The following WDR88 variants were observed in gnomAD, a reference collection of about 807,000 sequenced individuals.
The protein encoded by WDR88 is WD repeat domain 88.
WDR88 carries 40 observed loss-of-function variants against 46.8 expected under a neutral mutation model. That is an observed-to-expected ratio of 0.86 (90% CI 0.66 to 1.11). WDR88 has a LOEUF of 1.11. Among genes scored for constraint, WDR88 ranks in the 50% most tolerant of loss-of-function variants. The probability of loss-of-function intolerance (pLI) is 0.00; values close to 1 mark genes in which losing one functional copy is unlikely to be tolerated. For missense variants in WDR88, 562 were observed against 602.4 expected (o/e 0.93, Z 0.70); for synonymous variants, 235 against 240.7 (o/e 0.98, Z 0.22).
At chr19:33,135,862 T>C (rs1253671891) in intron 1 of WDR88, among the ~76,000 whole-genome samples, 1 of 151,886 alleles carries the variant, frequency 6.6e-6, no homozygotes, top group East Asian at 1.9e-4. Context: ...GTATCACACT[T>C]TGGTTTTCTT....
At chr19:33,159,994 C>T (rs896806355) in intron 7 of WDR88, among the ~76,000 whole-genome samples, 4 of 151,948 alleles carry the variant, frequency 2.6e-5, no homozygotes, top group Non-Finnish European at 5.9e-5. Context: ...CCTAATCCCT[C>T]GCATCCGCAG....
In WDR88 at chr19:33,156,628, C is replaced by G. The variant is rs554996404; in HGVS notation, c.997+86C>G. On this transcript the variant is annotated intron_variant, in intron 7 of 10. Transcript: ENST00000355868. ...TGTTCCGTTCAAATGGACAGAGAGG[C>G]AATTTCCAATGATGCTGACAGGGAG... The G allele has an allele frequency of 2.1e-6, 3 of 1,417,016 alleles. No individual in the cohort carries two copies. In the Admixed American group the frequency reaches 7.0e-5, roughly 33 times the overall value. The allele number at this position is 1,417,016 out of a possible 1,614,324, so 87.8% of individuals were successfully genotyped here.
chr19:33,155,148 A>AT (rs902703141), intron 6 of WDR88, among the ~76,000 whole-genome samples: 8 of 151,958 alleles, frequency 5.3e-5, no homozygotes, highest in Admixed American at 6.6e-5. Flanking sequence ...GAATAACTTC[A>AT]TTTTTTTTCT....
chr19:33,139,813 TACACAC>T (rs111934254), intron 2 of WDR88, among the ~76,000 whole-genome samples: 6 of 150,428 alleles, frequency 4.0e-5, no homozygotes, highest in Admixed American at 3.3e-4. Flanking sequence ...AAAATATGCA[TACACAC>T]ACACACACAC....
chr19:33,171,771 TTTTG>T (rs58358368), intron 9 of WDR88, among the ~76,000 whole-genome samples: 19,074 of 151,604 alleles, frequency 0.13, 1,351 homozygotes, highest in South Asian at 0.33. Context: ...TGTCATATAG[TTTTG>T]TTTGTTTGTT....
At chr19:33,174,775 C>T in intron 10 of WDR88, 4 of 985,460 alleles carry the variant, frequency 4.1e-6, no homozygotes, top group Non-Finnish European at 3.6e-6. Flanking sequence ...TCCCAACTGT[C>T]AAGGGGCTTG....
intron 8 of WDR88, among the ~76,000 whole-genome samples, chr19:33,163,533 C>T (rs1486801163): frequency 1.3e-5 from 2 of 151,592 alleles, no homozygotes; most frequent in East Asian, 1.9e-4. Context: ...AAAACAACAA[C>T]AACAAAAAAA....
At chr19:33,162,241 C>T (rs1973880150) in intron 8 of WDR88, among the ~76,000 whole-genome samples, 1 of 152,072 alleles carries the variant, frequency 6.6e-6, no homozygotes, top group Non-Finnish European at 1.5e-5. Flanking sequence ...CGCTCTGTCG[C>T]CCAGGCTAGA....
intron 9 of WDR88, among the ~76,000 whole-genome samples, chr19:33,167,565 C>T (rs879872138): frequency 3.3e-5 from 5 of 151,788 alleles, no homozygotes; most frequent in East Asian, 3.9e-4. Flanking sequence ...AAGTGCTAGC[C>T]GGAGCTATCA....
rs1424201242 is a variant in WDR88, at chr19:33,137,330, T to G, written c.277-347T>G. Among the ~76,000 whole-genome samples the G allele has an allele frequency of 3.3e-5, 5 of 151,574 alleles. No homozygotes were observed. The East Asian group carries it at 9.7e-4, about 29-fold the overall frequency. On this transcript the variant is annotated intron_variant, in intron 1 of 10. Coordinates refer to ENST00000355868, the MANE Select transcript of WDR88 (RefSeq NM_173479.4). ...GTGCAGTGGTGCAATCTTGGCTCAC[T>G]GCAACCTCCGCCTCCTGTATTCAAG...
chr19:33,156,522 C>T lies in WDR88; in HGVS notation c.977C>T (p.Ser326Phe). 6.2e-7 allele frequency: 1 copy of T among 1,613,476 alleles called. No individual in the cohort carries two copies. The highest frequency in any genetic ancestry group is 8.5e-7 in the Non-Finnish European group (1 of 1,179,766). The change falls in exon 7 of 11, where the codon TCC becomes TTC. Residue 326 changes from serine to phenylalanine, a missense_variant. By Grantham distance (155) the Ser-to-Phe change is radical. Transcript: ENST00000355868. ...LMQGHEGSVS[S>F]CHFARDSSFL... ...CAGGGCCATGAAGGTTCTGTCAGTTCCTGTCACTTTGCCAGAGACAGTGAG... is the reference window on the plus strand; with the variant it reads ...CAGGGCCATGAAGGTTCTGTCAGTTTCTGTCACTTTGCCAGAGACAGTGAG...
intron 6 of WDR88, 125 bp downstream of exon 6, chr19:33,151,435 G>T: frequency 8.1e-7 from 1 of 1,237,222 alleles, no homozygotes. Context: ...GGTGCTCTGA[G>T]GAGGCTGGGG....
chr19:33,144,774 A>G (rs1973476458), intron 2 of WDR88, 70 bp from the exon 3 acceptor site: 1 of 1,421,574 alleles, frequency 7.0e-7, no homozygotes, highest in African/African-American at 1.4e-5. Flanking sequence ...GCTAATGTTG[A>G]CCTCGATTTA....
chr19:33,132,705 C>T (rs1973154649), intron 1 of WDR88, among the ~76,000 whole-genome samples: 1 of 152,234 alleles, frequency 6.6e-6, no homozygotes, highest in Non-Finnish European at 1.5e-5. Context: ...GGAGGAGGCT[C>T]TGCCCCACCA....
At chr19:33,157,497 C>CT (rs1568367235) in intron 7 of WDR88, among the ~76,000 whole-genome samples, 4 of 134,000 alleles carry the variant, frequency 3.0e-5, no homozygotes, top group African/African-American at 1.2e-4. Context: ...GACTCTGTCT[C>CT]AATATATATA....
Position 33,166,119 on chromosome 19 carries a change from C to T in WDR88, c.1149+1854C>T, listed in dbSNP as rs184959033. 6.3e-4 allele frequency among the ~76,000 whole-genome samples: 95 copies of T among 150,672 alleles called. 1 individual carries two copies. Among genetic ancestry groups the T allele is most frequent in the African/African-American group, 2.1e-3 (87 of 41,046 alleles). ...TACAGAAAAACTTTAAAAAATTAAC[C>T]GAGTGTGGTGGTGTGTGGCTGTAGT... On this transcript the variant is annotated intron_variant, in intron 9 of 10. Transcript: ENST00000355868.
intron 5 of WDR88, 133 bp downstream of exon 5, chr19:33,149,043 A>G (rs1194098935): frequency 2.1e-6 from 3 of 1,398,036 alleles, no homozygotes; most frequent in Non-Finnish European, 2.9e-6. Context: ...AAGCTGGGAC[A>G]CTAGGCTAGG....
At chr19:33,134,606 C>T (rs1806027605) in intron 1 of WDR88, among the ~76,000 whole-genome samples, 1 of 151,956 alleles carries the variant, frequency 6.6e-6, no homozygotes, top group African/African-American at 2.4e-5. Context: ...TGCGGGAGGG[C>T]CGCGCAGGTC....
chr19:33,138,070 CTT>C (rs957831490), intron 2 of WDR88, among the ~76,000 whole-genome samples: 3 of 150,818 alleles, frequency 2.0e-5, no homozygotes, highest in African/African-American at 4.9e-5. Flanking sequence ...GAGTTTCGCT[CTT>C]GTTACCCAGG....
Sources: allele counts gnomAD v4.1 joint callset (sites outside exome capture counted in the v4.1 genomes callset), GRCh38; gene constraint gnomAD v4.1.1; transcripts MANE v1.5; gene names NCBI Gene and HGNC (gene_info 2026-07-23, HGNC 2026-07-21).